The following DYM variants were observed in gnomAD, a reference collection of about 807,000 sequenced individuals.
The protein encoded by DYM is dyggve-Melchior-Clausen syndrome protein.
DYM carries 78 observed loss-of-function variants against 93.1 expected under a neutral mutation model. The observed-to-expected ratio is 0.84, with a 90% CI of 0.70 to 1.01. The LOEUF (loss-of-function observed/expected upper bound fraction) is 1.01, where lower values mean the gene tolerates loss of function less well. Ranked by LOEUF, DYM falls within the 50% of genes least tolerant of loss-of-function variation. The pLI, the probability that DYM is intolerant of heterozygous loss-of-function variation, is 0.00. For synonymous variants in DYM, 321 were observed against 319.7 expected, an observed-to-expected ratio of 1.00 and a Z score of -0.04; for missense variants, 789 against 845.0, an observed-to-expected ratio of 0.93 and a Z score of 0.82.
At chr18:49,236,716 A>G (rs1447796865) in intron 13 of DYM, among the ~76,000 whole-genome samples, 2 of 152,198 alleles carry the variant, frequency 1.3e-5, no homozygotes, top group Non-Finnish European at 2.9e-5. Context: ...GTAAGTAAAT[A>G]GGAAAATGTG....
At chr18:49,447,754 T>C (rs1292447443) in intron 1 of DYM, among the ~76,000 whole-genome samples, 1 of 152,216 alleles carries the variant, frequency 6.6e-6, no homozygotes, top group Admixed American at 6.5e-5. Context: ...ATATCTCTTA[T>C]CCTCTCTGTA....
chr18:49,357,652 T>G (rs2065680783), intron 6 of DYM, among the ~76,000 whole-genome samples: 1 of 152,330 alleles, frequency 6.6e-6, no homozygotes, highest in Middle Eastern at 3.4e-3. Context: ...GTGAACAGGT[T>G]AGACCCTTAC....
intron 8 of DYM, among the ~76,000 whole-genome samples, chr18:49,321,894 T>C (rs1330657305): frequency 2.0e-5 from 3 of 152,170 alleles, no homozygotes; most frequent in African/African-American, 7.2e-5. Context: ...TAGAAATCTG[T>C]TATTTTCACA....
chr18:49,445,468 CA>C (rs1299121479), intron 1 of DYM, among the ~76,000 whole-genome samples: 2 of 151,344 alleles, frequency 1.3e-5, no homozygotes, highest in African/African-American at 4.9e-5. Flanking sequence ...AAATTTAAAA[CA>C]AAAGAACGGA....
chr18:49,217,836 C>T lies in DYM; in HGVS notation c.1461-8121G>A, dbSNP rs143126281. Among the ~76,000 whole-genome samples, 528 of 152,252 alleles carry T rather than the reference C, an allele frequency of 3.5e-3. 4 individuals carry two copies. The highest frequency in any genetic ancestry group is 0.012 in the African/African-American group (489 of 41,558). ...TAAAGACCGTCGAGGCTGGGAAGAA[C>T]CTGCATCAACTAACGAGCAAGATAA... On this transcript the variant is annotated intron_variant, in intron 13 of 17. Transcript: ENST00000675505.
At chr18:49,168,502 G>A (rs759860525) in intron 14 of DYM, among the ~76,000 whole-genome samples, 2 of 152,186 alleles carry the variant, frequency 1.3e-5, no homozygotes, top group Non-Finnish European at 2.9e-5. Flanking sequence ...GGTGGAAATG[G>A]CTGTAGTGTA....
At chr18:49,271,363 T>G (rs1210071212) in intron 11 of DYM, among the ~76,000 whole-genome samples, 3 of 152,014 alleles carry the variant, frequency 2.0e-5, no homozygotes, top group African/African-American at 7.3e-5. Context: ...CCAAAAATGG[T>G]AATAAGATGG....
chr18:49,325,202 CAG>C (rs1470105160), intron 8 of DYM, among the ~76,000 whole-genome samples: 1 of 152,178 alleles, frequency 6.6e-6, no homozygotes, highest in East Asian at 1.9e-4. Flanking sequence ...TCCTAAAACA[CAG>C]GGGAAACTAT....
intron 15 of DYM, among the ~76,000 whole-genome samples, chr18:49,129,089 G>C (rs1263701440): frequency 6.6e-6 from 1 of 151,242 alleles, no homozygotes; most frequent in Non-Finnish European, 1.5e-5. Context: ...GCAGTAAAGG[G>C]TCACAAATAG....
At chr18:49,292,996 G>A (rs1370680319) in intron 8 of DYM, among the ~76,000 whole-genome samples, 1 of 151,886 alleles carries the variant, frequency 6.6e-6, no homozygotes, top group Non-Finnish European at 1.5e-5. Context: ...CCACCGACAG[G>A]CCCTAATGTG....
intron 13 of DYM, among the ~76,000 whole-genome samples, chr18:49,228,789 G>C (rs1309056876): frequency 6.6e-6 from 1 of 152,086 alleles, no homozygotes; most frequent in African/African-American, 2.4e-5. Flanking sequence ...ATCATGATGG[G>C]GGTTGGGAGG....
intron 16 of DYM, among the ~76,000 whole-genome samples, chr18:49,098,361 C>A (rs977992224): frequency 6.6e-6 from 1 of 152,186 alleles, no homozygotes; most frequent in African/African-American, 2.4e-5. Flanking sequence ...CAATCCTTCA[C>A]AAACGTTTTT....
intron 12 of DYM, 45 bp from the exon 13 acceptor site, chr18:49,257,149 T>C: frequency 8.2e-6 from 12 of 1,466,764 alleles, no homozygotes; most frequent in Non-Finnish European, 1.1e-5. Flanking sequence ...AAGTCTTCTC[T>C]ATATTTTAAC....
chr18:49,395,738 C>T (rs1409620702), intron 2 of DYM, among the ~76,000 whole-genome samples: 1 of 151,940 alleles, frequency 6.6e-6, no homozygotes, highest in Non-Finnish European at 1.5e-5. Flanking sequence ...ATCACATCAC[C>T]CAGTTAGAAT....
intron 8 of DYM, among the ~76,000 whole-genome samples, chr18:49,289,746 T>TATATATATATACAC (rs2059939181): frequency 1.6e-4 from 7 of 42,860 alleles, no homozygotes; most frequent in Non-Finnish European, 2.5e-4. Context: ...TATATATATA[T>TATATATATATACAC]ATATATATAT....
At chr18:49,229,943 TACAC>T (rs2093646736) in intron 13 of DYM, among the ~76,000 whole-genome samples, 1 of 152,138 alleles carries the variant, frequency 6.6e-6, no homozygotes, top group African/African-American at 2.4e-5. Context: ...AAACGAATGA[TACAC>T]ACAAGAACAT....
chr18:49,270,283 GC>G (rs967171124), intron 11 of DYM, among the ~76,000 whole-genome samples: 2 of 152,148 alleles, frequency 1.3e-5, no homozygotes, highest in African/African-American at 2.4e-5. Flanking sequence ...CTGACATTTG[GC>G]ACAACATAGG....
At position 49,379,546 on chromosome 18, in the gene DYM, A is replaced by T; in HGVS notation, c.287+119T>A. On this transcript the variant is annotated intron_variant, in intron 4 of 17. Coordinates refer to ENST00000675505, the MANE Select transcript of DYM (RefSeq NM_001353214.3). The stretch of plus-strand genomic sequence containing the variant: ...ACCTCTCTACCTTTTTTTCTTAATA[A>T]TGAGAATAATTCCTTCACAGAGATT... 13 of 887,388 alleles carry T rather than the reference A, an allele frequency of 1.5e-5. No individual in the cohort carries two copies. In the Admixed American group the frequency reaches 1.5e-4, roughly 11 times the overall value. 55.0% of individuals were successfully genotyped at this position (887,388 alleles called of 1,614,324 possible).
At chr18:49,080,362 C>T (rs1389773217) in intron 17 of DYM, among the ~76,000 whole-genome samples, 4 of 135,938 alleles carry the variant, frequency 2.9e-5, no homozygotes, top group East Asian at 2.3e-4. Context: ...CCCTCCCGGA[C>T]GGGGTGGCTG....
Sources: allele counts gnomAD v4.1 joint callset (sites outside exome capture counted in the v4.1 genomes callset), GRCh38; gene constraint gnomAD v4.1.1; transcripts MANE v1.5; gene names NCBI Gene and HGNC (gene_info 2026-07-23, HGNC 2026-07-21).